The following PCDH15 variants were observed in gnomAD, a reference collection of about 807,000 sequenced individuals.
The protein encoded by PCDH15 is protocadherin-15.
In PCDH15, 129 loss-of-function variants were observed where a neutral mutation model predicts 178.5. The ratio of observed to expected loss-of-function variants is 0.72; its 90% CI spans 0.63 to 0.84. PCDH15 has a LOEUF of 0.84. Ranked by LOEUF, PCDH15 falls within the 40% of genes least tolerant of loss-of-function variation. The pLI is 0.00. For missense variants in PCDH15, 2,230 were observed against 2,099.9 expected (o/e 1.06, Z -1.21); for synonymous variants, 800 against 732.0 (o/e 1.09, Z -1.50).
At chr10:54,226,623 A>G (rs1192414832) in intron 9 of PCDH15, among the ~76,000 whole-genome samples, 2 of 152,158 alleles carry the variant, frequency 1.3e-5, no homozygotes, top group East Asian at 3.9e-4. Flanking sequence ...AAAACAATTC[A>G]TGCCTTCTCA....
chr10:55,198,006 C>G (rs1277769097), intron 1 of PCDH15, among the ~76,000 whole-genome samples: 1 of 152,032 alleles, frequency 6.6e-6, no homozygotes, highest in African/African-American at 2.4e-5. Flanking sequence ...AAAGGGAAAT[C>G]TGTGGTTCTG....
intron 2 of PCDH15, among the ~76,000 whole-genome samples, chr10:55,072,746 T>C (rs555062664): frequency 6.6e-6 from 1 of 152,002 alleles, no homozygotes; most frequent in Non-Finnish European, 1.5e-5. Context: ...TAACTCATTT[T>C]ATGAGGCCAG....
In PCDH15 at chr10:54,668,998, C is replaced by T. The variant is rs538691331; in HGVS notation, c.-28-4708G>A. On this transcript the variant is annotated intron_variant, in intron 1 of 37. Transcript: ENST00000644397. The stretch of plus-strand genomic sequence containing the variant: ...ACTGCTTTGTATTCCTTGTGAGAAA[C>T]GTATGCTATCTACCTGCTGGAATAA... 8.5e-5 allele frequency among the ~76,000 whole-genome samples: 13 copies of T among 152,216 alleles called. No homozygotes were observed. The South Asian group carries it at 2.7e-3, about 32-fold the overall frequency.
chr10:54,663,996 A>G (rs2094531234), intron 2 of PCDH15, among the ~76,000 whole-genome samples, 176 bp downstream of exon 2: 1 of 152,026 alleles, frequency 6.6e-6, no homozygotes, highest in Admixed American at 6.6e-5. Context: ...TTAAGAAACA[A>G]AGGACATCTG....
chr10:54,187,159 T>G (rs2048544317), intron 11 of PCDH15, among the ~76,000 whole-genome samples: 1 of 151,926 alleles, frequency 6.6e-6, no homozygotes, highest in Non-Finnish European at 1.5e-5. Flanking sequence ...GCTGAGGAAG[T>G]TTTGCTATGT....
chr10:55,049,822 T>C (rs1159606260), intron 2 of PCDH15, among the ~76,000 whole-genome samples: 1 of 152,070 alleles, frequency 6.6e-6, no homozygotes, highest in East Asian at 1.9e-4. Flanking sequence ...ATATGAGTTG[T>C]ATAACTATTT....
At chr10:54,122,372 A>G (rs2041610032) in intron 15 of PCDH15, among the ~76,000 whole-genome samples, 1 of 152,016 alleles carries the variant, frequency 6.6e-6, no homozygotes, top group Non-Finnish European at 1.5e-5. Context: ...ATATCTCAAA[A>G]TAATAAAAGC....
chr10:54,281,402 T>G (rs570913100), intron 8 of PCDH15, among the ~76,000 whole-genome samples: 47 of 152,118 alleles, frequency 3.1e-4, no homozygotes, highest in African/African-American at 1.0e-3. Context: ...ACAACAATTC[T>G]GCTTGCTTTC....
intron 8 of PCDH15, among the ~76,000 whole-genome samples, chr10:54,316,552 A>G (rs936391462): frequency 2.6e-4 from 28 of 108,896 alleles, no homozygotes; most frequent in East Asian, 1.6e-3. Context: ...ACACACACAC[A>G]CACACACACA....
intron 1 of PCDH15, among the ~76,000 whole-genome samples, chr10:54,742,531 C>A (rs1010606507): frequency 6.6e-6 from 1 of 151,784 alleles, no homozygotes; most frequent in Non-Finnish European, 1.5e-5. Context: ...GAAGACCTTG[C>A]CATGTTAAGT....
At chr10:54,826,583 A>G (rs1305208721) in intron 3 of PCDH15, among the ~76,000 whole-genome samples, 1 of 151,824 alleles carries the variant, frequency 6.6e-6, no homozygotes, top group Admixed American at 6.6e-5. Context: ...AGGGAAAAGG[A>G]GTTGGAAAAT....
intron 3 of PCDH15, among the ~76,000 whole-genome samples, chr10:54,498,813 G>C (rs2080368783): frequency 1.3e-5 from 2 of 152,124 alleles, no homozygotes; most frequent in African/African-American, 4.8e-5. Context: ...AAGAAAAGAG[G>C]TTTAATTGGC....
Position 55,328,161 on chromosome 10 carries a change from G to A in PCDH15, c.-155-161510C>T, listed in dbSNP as rs141711351. On this transcript the variant is annotated intron_variant, in intron 2 of 5. Transcript: ENST00000613346. Reference sequence around the variant, plus strand: ...TTATAATAATTACAGTGTTGATGCCGTACAAAATTGTATATACACATACAC... The same window carrying A: ...TTATAATAATTACAGTGTTGATGCCATACAAAATTGTATATACACATACAC... 4.7e-4 allele frequency among the ~76,000 whole-genome samples: 71 copies of A among 151,668 alleles called. 1 individual carries two copies. Among genetic ancestry groups the A allele is most frequent in the Admixed American group, 3.0e-3 (45 of 15,186 alleles).
chr10:55,208,431 C>T (rs1840464841), intron 1 of PCDH15, among the ~76,000 whole-genome samples: 1 of 152,032 alleles, frequency 6.6e-6, no homozygotes. Flanking sequence ...CTTCCCACCT[C>T]TCACATTCAC....
intron 2 of PCDH15, among the ~76,000 whole-genome samples, chr10:54,548,645 T>A (rs1180128945): frequency 1.5e-5 from 2 of 133,918 alleles, no homozygotes; most frequent in African/African-American, 2.7e-5. Flanking sequence ...TATATAATAC[T>A]TATATAAATA....
intron 14 of PCDH15, among the ~76,000 whole-genome samples, chr10:54,139,132 AG>A (rs1320751342): frequency 6.6e-6 from 1 of 152,154 alleles, no homozygotes; most frequent in African/African-American, 2.4e-5. Flanking sequence ...TTGGCATAGA[AG>A]GTTATAGAAC....
chr10:54,001,504 T>TA (rs1489615486), intron 20 of PCDH15, among the ~76,000 whole-genome samples: 42 of 152,160 alleles, frequency 2.8e-4, no homozygotes, highest in African/African-American at 9.9e-4. Flanking sequence ...GTTATCAGCT[T>TA]AAATAAAGGG....
intron 21 of PCDH15, among the ~76,000 whole-genome samples, chr10:53,971,785 A>G (rs996538453): frequency 1.9e-4 from 29 of 152,180 alleles, no homozygotes; most frequent in African/African-American, 6.5e-4. Flanking sequence ...AAGGAAATAA[A>G]AGAGGACACA....
chr10:55,097,619 C>G (rs1842476852), intron 2 of PCDH15, among the ~76,000 whole-genome samples: 1 of 152,006 alleles, frequency 6.6e-6, no homozygotes, highest in African/African-American at 2.4e-5. Context: ...TATTGTAAAA[C>G]CCAGAGCACA....
Sources: gnomAD v4.1 joint callset for allele counts (sites outside exome capture counted in the v4.1 genomes callset) on GRCh38, gnomAD v4.1.1 for gene constraint, MANE v1.5 for transcripts, NCBI Gene and HGNC (gene_info 2026-07-23, HGNC 2026-07-21) for gene names.